The following RAG1 variants were observed in gnomAD, a reference collection of about 807,000 sequenced individuals.
The protein encoded by RAG1 is recombination activating 1, also known as V(D)J recombination-activating protein 1.
Under a neutral mutation model 62.7 loss-of-function variants are expected in RAG1, and 35 were observed. That is an observed-to-expected ratio of 0.56 (90% CI 0.43 to 0.74). The LOEUF is 0.74. Ranked by LOEUF, RAG1 falls within the 30% of genes least tolerant of loss-of-function variation. The pLI is 0.00. For synonymous variants in RAG1, 461 were observed against 470.3 expected (o/e 0.98, Z 0.26); for missense variants, 1,169 against 1,278.6 (o/e 0.91, Z 1.31).
intron 2 of RAG1, among the ~76,000 whole-genome samples, chr11:36,528,379 G>T (rs560664696): frequency 6.6e-6 from 1 of 152,262 alleles, no homozygotes; most frequent in South Asian, 2.1e-4. Context: ...TGAACCACCT[G>T]CTCCTGAATG....
chr11:36,567,205 A>G (rs1011619186), upstream of RAG1, among the ~76,000 whole-genome samples: 1 of 152,200 alleles, frequency 6.6e-6, no homozygotes, highest in Admixed American at 6.5e-5. Context: ...ACCATGGGCA[A>G]GTCACTCCAT....
intron 1 of RAG1, among the ~76,000 whole-genome samples, chr11:36,511,692 T>TA (rs2133686977): frequency 6.6e-6 from 1 of 152,302 alleles, no homozygotes; most frequent in South Asian, 2.1e-4. Context: ...CACCCAGCTT[T>TA]AAAAAATAAA....
intron 1 of RAG1, among the ~76,000 whole-genome samples, chr11:36,568,888 T>C (rs1202239071): frequency 6.6e-6 from 1 of 152,214 alleles, no homozygotes; most frequent in African/African-American, 2.4e-5. Flanking sequence ...TTGAGACTTA[T>C]AAAAAGGCTT....
At chr11:36,568,221 G>A (rs1850687442) in intron 1 of RAG1, 99 bp downstream of exon 1, 1 of 152,062 alleles carries the variant, frequency 6.6e-6, no homozygotes, top group South Asian at 2.1e-4. Context: ...CAGGTGATGA[G>A]GGGATGGAAT....
intron 3 of RAG1, among the ~76,000 whole-genome samples, chr11:36,545,587 G>T (rs934937522): frequency 6.6e-6 from 1 of 152,120 alleles, no homozygotes; most frequent in Non-Finnish European, 1.5e-5. Flanking sequence ...AAAAGCCCTA[G>T]AAGACAAACA....
At chr11:36,572,729 T>A (rs1850767825) in intron 1 of RAG1, among the ~76,000 whole-genome samples, 2 of 152,238 alleles carry the variant, frequency 1.3e-5, no homozygotes, top group South Asian at 4.1e-4. Context: ...ATTCACTTCA[T>A]CCTTTCAAGT....
rs968949548 is a variant in RAG1 at position 36,568,249 on chromosome 11, T to C, written c.-15+127T>C. Reference sequence around the variant, plus strand: ...GATGGAATGAGCAAAGCTACATCAATTTTTTTTTAATGTATGAAAATAAAA... The same window carrying C: ...GATGGAATGAGCAAAGCTACATCAACTTTTTTTTAATGTATGAAAATAAAA... On this transcript the variant is annotated intron_variant, in intron 1 of 1. Coordinates refer to ENST00000299440, the MANE Select transcript of RAG1 (RefSeq NM_000448.3). 4.6e-5 allele frequency: 7 copies of C among 151,292 alleles called. No homozygotes were observed. The South Asian group carries it at 1.5e-3, about 31-fold the overall frequency. 9.4% of individuals were successfully genotyped at this position (151,292 alleles called of 1,614,324 possible). A position where few individuals can be genotyped will look rare whatever the true frequency, so the allele number is the denominator to read the frequency against.
Position 36,576,081 on chromosome 11 carries a change from A to C in RAG1, c.2777A>C (p.Lys926Thr), listed in dbSNP as rs1350887566. 1 of 1,613,932 alleles carries C rather than the reference A, an allele frequency of 6.2e-7. No individual in the cohort carries two copies. The highest frequency in any genetic ancestry group is 1.3e-5 in the African/African-American group (1 of 74,920). The change falls in exon 2 of 2, where the codon AAG (lysine) becomes ACG (threonine). Residue 926 changes from lysine (K) to threonine (T), a missense_variant. Coordinates refer to ENST00000299440, the MANE Select transcript of RAG1 (RefSeq NM_000448.3). The part of the protein sequence containing the change: ...SQRFAELLST[K>T]FKYRYEGKIT... ...CGTTTTGCTGAGCTCCTTTCTACGA[A>C]GTTCAAGTATAGGTATGAGGGAAAA... is the stretch of plus-strand genomic sequence containing the variant.
At chr11:36,540,342 G>T (rs1860396543), downstream of RAG1, among the ~76,000 whole-genome samples, 1 of 152,154 alleles carries the variant, frequency 6.6e-6, no homozygotes, top group Non-Finnish European at 1.5e-5. Flanking sequence ...CAGACCCCCA[G>T]AGCCTTACTA....
Position 36,576,809 on chromosome 11 carries a change from G to T in RAG1, c.*373G>T. ...GGCCAGGAAAGAAATTGGTCTTGTG[G>T]TTTTCATTTTTTTCCCCCTTGATTG... On this transcript the variant is annotated 3_prime_UTR_variant, in exon 2 of 2. Transcript: ENST00000299440. 4.2e-6 allele frequency: 1 copy of T among 236,714 alleles called. No individual in the cohort carries two copies. The highest frequency in any genetic ancestry group is 1.0e-4 in the East Asian group (1 of 9,990). 14.7% of individuals were successfully genotyped at this position (236,714 alleles called of 1,614,324 possible). A position where few individuals can be genotyped will look rare whatever the true frequency, so the allele number is the denominator to read the frequency against.
upstream of RAG1, among the ~76,000 whole-genome samples, chr11:36,565,399 T>A (rs898244233): frequency 1.3e-5 from 2 of 152,012 alleles, no homozygotes; most frequent in Non-Finnish European, 2.9e-5. Flanking sequence ...GAGAGGCAGG[T>A]GAAAGCAGGG....
upstream of RAG1, among the ~76,000 whole-genome samples, chr11:36,566,714 T>C (rs1384748055): frequency 6.6e-6 from 1 of 152,154 alleles, no homozygotes; most frequent in African/African-American, 2.4e-5. Flanking sequence ...TGCATCTCCT[T>C]GGGGAAAAAC....
chr11:36,510,370 G>A (rs545873734), upstream of RAG1: 12 of 152,482 alleles, frequency 7.9e-5, no homozygotes, highest in African/African-American at 2.6e-4. Flanking sequence ...CAGGCGGACT[G>A]TGGCGCGGGC....
rs1850840204 is a variant in RAG1, at chr11:36,575,849, A to G, written c.2545A>G (p.Ile849Val). Residue 849 changes from isoleucine (I) to valine (V), a missense_variant, in exon 2 of 2, where the codon ATC becomes GTC. This residue lies in a region of RAG1 where 800 missense variants were observed against 943.3 expected (regional missense o/e 0.85). Coordinates refer to ENST00000299440, the MANE Select transcript of RAG1 (RefSeq NM_000448.3). This position sits in a 1 kb window ranked among gnomAD's most constrained non-coding sequence, Gnocchi z 4.1. ...HLRKKMNLKP[I>V]MRMNGNFARK... ...CCGGAAGAAGATGAACCTCAAACCA[A>G]TCATGAGGATGAATGGCAACTTTGC... 1.9e-6 allele frequency: 3 copies of G among 1,614,122 alleles called. No homozygotes were observed. The highest frequency in any genetic ancestry group is 3.3e-5 in the Admixed American group (2 of 60,016).
In RAG1 at chr11:36,574,056, G is replaced by C. The variant is rs1220983468; in HGVS notation, c.752G>C (p.Arg251Thr). Residue 251 changes from arginine (R) to threonine (T), a missense_variant, in exon 2 of 2, where the codon AGA (arginine) becomes ACA (threonine). Arg to Thr is a moderately conservative substitution (Grantham distance 71). This residue lies in a region of RAG1 where 369 missense variants were observed against 335.3 expected (regional missense o/e 1.10). Coordinates refer to ENST00000299440, the MANE Select transcript of RAG1 (RefSeq NM_000448.3). The stretch of plus-strand genomic sequence containing the variant: ...GCAAGACAAGCCCGTCAGCACAAGA[G>C]AAGAGCTCAGGCAAGGATCAGCAGC... ...DQARQARQHK[R>T]RAQARISSKD... 1.2e-5 allele frequency: 19 copies of C among 1,614,182 alleles called. No individual in the cohort carries two copies. The East Asian group carries it at 4.2e-4, about 36-fold the overall frequency.
chr11:36,533,210 C>T (rs568105764), intron 2 of RAG1, among the ~76,000 whole-genome samples: 8 of 152,220 alleles, frequency 5.3e-5, no homozygotes, highest in African/African-American at 1.2e-4. Flanking sequence ...GTATAAAACC[C>T]GAGGAGGGGG....
At chr11:36,547,853 G>A (rs1243525398) in intron 3 of RAG1, among the ~76,000 whole-genome samples, 1 of 152,162 alleles carries the variant, frequency 6.6e-6, no homozygotes, top group Non-Finnish European at 1.5e-5. Context: ...TACCCCTGAT[G>A]AACATCGATG....
chr11:36,543,865 A>G (rs1392654900), intron 3 of RAG1, among the ~76,000 whole-genome samples: 1 of 152,178 alleles, frequency 6.6e-6, no homozygotes, highest in Admixed American at 6.5e-5. Flanking sequence ...CATAGTATTC[A>G]TTTCTCTGGG....
chr11:36,519,628 T>G (rs1333814808), intron 1 of RAG1, among the ~76,000 whole-genome samples: 1 of 152,220 alleles, frequency 6.6e-6, no homozygotes, highest in Admixed American at 6.5e-5. Flanking sequence ...TTAAGAAGGA[T>G]TCCTTCAAGG....
Sources: gnomAD v4.1 joint callset for allele counts (sites outside exome capture counted in the v4.1 genomes callset) on GRCh38, gnomAD v4.1.1 for gene constraint, gnomAD v4.1.1 regional missense constraint, Gnocchi (gnomAD v3.1) non-coding constraint, MANE v1.5 for transcripts, NCBI Gene and HGNC (gene_info 2026-07-23, HGNC 2026-07-21) for gene names.